The following ADGRE2 variants were observed in gnomAD, a reference collection of about 807,000 sequenced individuals.
ADGRE2 encodes adhesion G protein-coupled receptor E2, also known as CD97 antigen.
Under a neutral mutation model 100.8 loss-of-function variants are expected in ADGRE2, and 83 were observed. That is an observed-to-expected ratio of 0.82 (90% CI 0.69 to 0.99). ADGRE2 has a LOEUF of 0.99. Among genes scored for constraint, ADGRE2 ranks in the 50% least tolerant of loss-of-function variants. The pLI, the probability that ADGRE2 is intolerant of heterozygous loss-of-function variation, is 0.00. For missense variants in ADGRE2, 814 were observed against 1,035.7 expected, an observed-to-expected ratio of 0.79 and a Z score of 2.94; for synonymous variants, 355 against 413.0, an observed-to-expected ratio of 0.86 and a Z score of 1.70.
chr19:14,737,581 T>C (rs953140681), intron 20 of ADGRE2, among the ~76,000 whole-genome samples: 19 of 152,132 alleles, frequency 1.2e-4, no homozygotes, highest in African/African-American at 4.6e-4. Context: ...TTTTGCTCCA[T>C]CCTGTTCTTT....
At chr19:14,747,012 A>G (rs1471452781) in intron 16 of ADGRE2, 50 bp from the exon 17 acceptor site, 2 of 1,480,024 alleles carry the variant, frequency 1.4e-6, no homozygotes, top group Admixed American at 1.8e-5. Context: ...GAGATATGGA[A>G]CAGTTATGTA....
chr19:14,736,956 A>C (rs2042776836), intron 20 of ADGRE2, among the ~76,000 whole-genome samples: 1 of 147,492 alleles, frequency 6.8e-6, no homozygotes, highest in Non-Finnish European at 1.5e-5. Context: ...TATAGAAAGA[A>C]AACCTATAAT....
At chr19:14,756,418 T>G (rs2043504280) in intron 11 of ADGRE2, 73 bp from the exon 12 acceptor site, 1 of 894,210 alleles carries the variant, frequency 1.1e-6, no homozygotes, top group African/African-American at 1.6e-5. Context: ...ATACTATGAC[T>G]TAATATATAT....
At chr19:14,753,006 A>G (rs1048122218) in intron 14 of ADGRE2, among the ~76,000 whole-genome samples, 1 of 151,776 alleles carries the variant, frequency 6.6e-6, no homozygotes, top group Admixed American at 6.6e-5. Context: ...TCCTGACCTC[A>G]TGATCCACCC....
At chr19:14,761,549 C>T (rs2043723689) in intron 11 of ADGRE2, among the ~76,000 whole-genome samples, 1 of 151,898 alleles carries the variant, frequency 6.6e-6, no homozygotes, top group African/African-American at 2.4e-5. Flanking sequence ...AAATCAGCCC[C>T]TATATCATTT....
At chr19:14,740,202 G>A (rs2042887708) in intron 20 of ADGRE2, among the ~76,000 whole-genome samples, 1 of 151,720 alleles carries the variant, frequency 6.6e-6, no homozygotes, top group South Asian at 2.1e-4. Context: ...TTTACAATGT[G>A]TCATCATGAT....
Position 14,754,131 on chromosome 19 carries a change from C to T in ADGRE2, c.1590+823G>A, listed in dbSNP as rs1408626940. Among the ~76,000 whole-genome samples, 23 of 150,496 alleles carry T rather than the reference C, an allele frequency of 1.5e-4. 2 individuals are homozygous for T. In the Admixed American group the frequency reaches 1.5e-3, roughly 10 times the overall value. ...TAGCCTCCCAGCCTACATCTTTCTC[C>T]TGTGCTGGATGCTTCCTGCCCTTGA... On this transcript the variant is annotated intron_variant, in intron 14 of 20. Coordinates refer to ENST00000315576, the MANE Select transcript of ADGRE2 (RefSeq NM_013447.4).
intron 15 of ADGRE2, 104 bp downstream of exon 15, chr19:14,752,225 G>T (rs150995318): frequency 4.2e-6 from 6 of 1,423,088 alleles, no homozygotes; most frequent in Non-Finnish European, 5.8e-6. Flanking sequence ...GAGCCACCAC[G>T]CCCAGCCGGG....
rs767028888 is a variant in ADGRE2 at position 14,772,320 on chromosome 19, G to C, written c.355+22C>G. On this transcript the variant is annotated intron_variant, in intron 5 of 20. Transcript: ENST00000315576. ...CCAAACCTCATGGACAGTGGTGATGGAGGATGTGGGGTGGTTCTTACCTTG... is the reference window on the plus strand; with the variant it reads ...CCAAACCTCATGGACAGTGGTGATGCAGGATGTGGGGTGGTTCTTACCTTG... The C allele has an allele frequency of 1.9e-5, 31 of 1,613,886 alleles. No homozygotes were observed. The Admixed American group carries it at 3.7e-4, about 19-fold the overall frequency.
chr19:14,736,220 T>C lies in ADGRE2; in HGVS notation c.*16A>G. 1 of 1,584,422 alleles carries C rather than the reference T, an allele frequency of 6.3e-7. No homozygotes were observed. Among genetic ancestry groups the C allele is most frequent in the South Asian group, 1.1e-5 (1 of 90,376 alleles). On this transcript the variant is annotated 3_prime_UTR_variant, in exon 21 of 21. Transcript: ENST00000315576. The stretch of plus-strand genomic sequence containing the variant: ...TTCCACGGGCAAAGAGGGAAGATCT[T>C]ATTCAGAAGATTTTTCTAGTTAACC...
rs1382710668 is a variant in ADGRE2 at position 14,766,407 on chromosome 19, C to T, written c.488-26G>A. Reference sequence around the variant, plus strand: ...CTGAGGACAAAGCCAGAGGGTCAAACCCTGTCCCTGACCAGCCTGGGCCTG... The same window carrying T: ...CTGAGGACAAAGCCAGAGGGTCAAATCCTGTCCCTGACCAGCCTGGGCCTG... On this transcript the variant is annotated intron_variant, in intron 6 of 20. Transcript: ENST00000315576. 1.9e-6 allele frequency: 3 copies of T among 1,595,952 alleles called. 1 individual carries two copies. In the African/African-American group the frequency reaches 4.0e-5, roughly 21 times the overall value.
intron 5 of ADGRE2, among the ~76,000 whole-genome samples, chr19:14,769,342 T>C (rs2044109379): frequency 6.6e-6 from 1 of 152,156 alleles, no homozygotes; most frequent in African/African-American, 2.4e-5. Context: ...GAGGTTTGGA[T>C]AGCGACAGGT....
chr19:14,762,693 G>A (rs1476814322), intron 11 of ADGRE2, among the ~76,000 whole-genome samples: 2 of 151,374 alleles, frequency 1.3e-5, no homozygotes, highest in African/African-American at 4.9e-5. Context: ...ACGTAGTCTG[G>A]AGTGCAGTGG....
rs571040603 is a variant in ADGRE2 at position 14,755,803 on chromosome 19, G to T, written c.1267C>A (p.Pro423Thr). The T allele has an allele frequency of 4.3e-6, 7 of 1,614,208 alleles. No homozygotes were observed. Among genetic ancestry groups the T allele is most frequent in the Non-Finnish European group, 5.1e-6 (6 of 1,180,040 alleles). ...TCATGCAGAAGCATCTGCTTCTCAG[G>T]TTCCAGGACCAGAGGGGCCTCAGCC... Reference protein sequence around the residue: ...LLAEAPLVLEPEKQMLLHETH... With the variant: ...LLAEAPLVLETEKQMLLHETH... Residue 423 changes from proline to threonine, a missense_variant, in exon 13 of 21, where the codon CCT (proline) becomes ACT (threonine). Pro to Thr is a conservative substitution (Grantham distance 38). Around this residue, in one of 5 missense-constraint regions of ADGRE2, gnomAD observed 569 missense variants for 692.7 expected, o/e 0.82. Coordinates refer to ENST00000315576, the MANE Select transcript of ADGRE2 (RefSeq NM_013447.4).
At chr19:14,754,443 C>CTATT (rs2043412886) in intron 14 of ADGRE2, among the ~76,000 whole-genome samples, 1 of 52,146 alleles carries the variant, frequency 1.9e-5, no homozygotes, top group South Asian at 5.5e-4. Flanking sequence ...CAGAAATTAT[C>CTATT]TATCTATCTA....
chr19:14,731,212 CT>C (rs1402205055), downstream of ADGRE2: 15 of 1,532,150 alleles, frequency 9.8e-6, no homozygotes, highest in African/African-American at 1.4e-5. Context: ...ACATCCAGTA[CT>C]CTCTTGCATG....
At chr19:14,764,066 C>A (rs370418732) in intron 11 of ADGRE2, among the ~76,000 whole-genome samples, 3 of 151,514 alleles carry the variant, frequency 2.0e-5, no homozygotes, top group African/African-American at 7.3e-5. Flanking sequence ...TCCTCCTCTT[C>A]GTCTTCTCTT....
intron 1 of ADGRE2, among the ~76,000 whole-genome samples, chr19:14,777,457 C>T (rs78746486): frequency 1.0e-3 from 154 of 151,216 alleles, no homozygotes; most frequent in Non-Finnish European, 1.5e-3. Flanking sequence ...TGGCGAAGCT[C>T]GGTTTCTTTC....
At position 14,777,396 on chromosome 19, in the gene ADGRE2, G is replaced by A. The variant is rs1452405908; in HGVS notation, c.-171-469C>T. ...TGTGATCCCAGCACTCTGGGAGGGC[G>A]AGGCAGGAGGATCGCTTGAGCTCAG... On this transcript the variant is annotated intron_variant, in intron 1 of 20. Coordinates refer to ENST00000315576, the MANE Select transcript of ADGRE2 (RefSeq NM_013447.4). Among the ~76,000 whole-genome samples, 7 of 152,366 alleles carry A rather than the reference G, an allele frequency of 4.6e-5. No homozygotes were observed. In the South Asian group the frequency reaches 6.2e-4, roughly 14 times the overall value.
Sources: gnomAD v4.1 joint callset for allele counts (sites outside exome capture counted in the v4.1 genomes callset) on GRCh38, gnomAD v4.1.1 for gene constraint, gnomAD v4.1.1 regional missense constraint, MANE v1.5 for transcripts, NCBI Gene and HGNC (gene_info 2026-07-23, HGNC 2026-07-21) for gene names.